CDH4: variants seen among roughly 807,000 people sequenced by gnomAD.
CDH4 encodes cadherin-4.
In CDH4, 33 loss-of-function variants were observed where a neutral mutation model predicts 86.0. The observed-to-expected ratio is 0.38, with a 90% confidence interval of 0.29 to 0.51. The LOEUF (loss-of-function observed/expected upper bound fraction) is 0.51. Ranked by LOEUF, CDH4 falls within the 20% of genes least tolerant of loss-of-function variation. The pLI, the probability that CDH4 is intolerant of heterozygous loss-of-function variation, is 0.86. For missense variants in CDH4, 1,114 were observed against 1,307.4 expected, an observed-to-expected ratio of 0.85 and a Z score of 2.28; for synonymous variants, 555 against 549.4, an observed-to-expected ratio of 1.01 and a Z score of -0.14.
At position 61,835,942 on chromosome 20, in the gene CDH4, C is replaced by T. The variant is rs75444232; in HGVS notation, c.577-8726C>T. 7.0e-3 allele frequency among the ~76,000 whole-genome samples: 1,064 copies of T among 152,272 alleles called. 5 individuals are homozygous for T. The highest frequency in any genetic ancestry group is 0.015 in the South Asian group (70 of 4,814). The stretch of plus-strand genomic sequence containing the variant: ...CTGCACCTGCAAACTCCGACTGTCC[C>T]GAGCGGAAGGACCCTGCCAGAAGGA... On this transcript the variant is annotated intron_variant, in intron 4 of 15. Coordinates refer to ENST00000614565, the MANE Select transcript of CDH4 (RefSeq NM_001794.5).
At chr20:61,603,308 G>A (rs557324989) in intron 2 of CDH4, among the ~76,000 whole-genome samples, 7 of 152,178 alleles carry the variant, frequency 4.6e-5, no homozygotes, top group Non-Finnish European at 1.0e-4. Context: ...ACAAAGCCAG[G>A]TGATGGGGTG....
chr20:61,393,354 G>A lies in CDH4; in HGVS notation c.169+138417G>A, dbSNP rs1348121740. Among the ~76,000 whole-genome samples the A allele has an allele frequency of 6.6e-6, 1 of 152,112 alleles. No homozygotes were observed. The highest frequency in any genetic ancestry group is 1.5e-5 in the Non-Finnish European group (1 of 68,012). On this transcript the variant is annotated intron_variant, in intron 2 of 15. Transcript: ENST00000614565. The surrounding 1 kb of genome is among the most constrained non-coding windows in gnomAD (Gnocchi z 4.3). Reference sequence around the variant, plus strand: ...GGGGGACAGCAGCCGGGGGGGGCCGGGGTCTTCCTTACCTCCTAGCTTGTG... The same window carrying A: ...GGGGGACAGCAGCCGGGGGGGGCCGAGGTCTTCCTTACCTCCTAGCTTGTG...
At chr20:61,531,292 T>C (rs2085949601) in intron 2 of CDH4, among the ~76,000 whole-genome samples, 1 of 151,920 alleles carries the variant, frequency 6.6e-6, no homozygotes, top group African/African-American at 2.4e-5. Context: ...GCCAATGTGG[T>C]GAAACCCCGT....
rs564810149 is a variant in CDH4, at chr20:61,869,648, A to G, written c.878-4080A>G. Among the ~76,000 whole-genome samples the G allele has an allele frequency of 1.2e-4, 19 of 152,238 alleles. No individual in the cohort carries two copies. The East Asian group carries it at 3.7e-3, about 29-fold the overall frequency. Reference sequence around the variant, plus strand: ...ACACATCCCACCTGGCCCCTCCTCAATGCCAAACCCTCTCACGTCCACATC... The same window carrying G: ...ACACATCCCACCTGGCCCCTCCTCAGTGCCAAACCCTCTCACGTCCACATC... On this transcript the variant is annotated intron_variant, in intron 6 of 15. Transcript: ENST00000614565.
At chr20:61,702,498 C>T (rs2087787643) in intron 2 of CDH4, among the ~76,000 whole-genome samples, 1 of 152,228 alleles carries the variant, frequency 6.6e-6, no homozygotes, top group South Asian at 2.1e-4. Context: ...AGACGCTTCG[C>T]ACTGTGTGTT....
At chr20:61,262,892 C>G (rs1265373895) in intron 2 of CDH4, among the ~76,000 whole-genome samples, 1 of 149,242 alleles carries the variant, frequency 6.7e-6, no homozygotes, top group African/African-American at 2.5e-5. Flanking sequence ...CTCCCTCCCT[C>G]CCTTCCTCCT....
chr20:61,493,167 T>C (rs1042390391), intron 2 of CDH4, among the ~76,000 whole-genome samples: 8 of 152,330 alleles, frequency 5.3e-5, no homozygotes, highest in African/African-American at 1.9e-4. Context: ...TCTTGACTGT[T>C]TTCCAGGAGA....
chr20:61,492,978 C>G (rs934869620), intron 2 of CDH4, among the ~76,000 whole-genome samples: 1 of 152,170 alleles, frequency 6.6e-6, no homozygotes. Context: ...TTTGAGCTGT[C>G]GTGCCTGTCA....
intron 2 of CDH4, among the ~76,000 whole-genome samples, chr20:61,287,379 G>A (rs973477734): frequency 3.3e-5 from 5 of 152,102 alleles, no homozygotes; most frequent in African/African-American, 1.2e-4. Flanking sequence ...GGAGGCTGAG[G>A]TGGCAGGATC....
chr20:61,812,902 C>T (rs766038262), intron 4 of CDH4, among the ~76,000 whole-genome samples: 5 of 152,212 alleles, frequency 3.3e-5, no homozygotes, highest in African/African-American at 4.8e-5. Context: ...GGAAAAATCA[C>T]AGCCGCCTGG....
chr20:61,593,402 T>G (rs1182139861), intron 2 of CDH4, among the ~76,000 whole-genome samples: 1 of 152,214 alleles, frequency 6.6e-6, no homozygotes, highest in Non-Finnish European at 1.5e-5. Flanking sequence ...ACTCACACTG[T>G]TCAGCATTTT....
At chr20:61,872,109 G>A (rs917024100) in intron 6 of CDH4, among the ~76,000 whole-genome samples, 1 of 152,226 alleles carries the variant, frequency 6.6e-6, no homozygotes, top group African/African-American at 2.4e-5. Flanking sequence ...GCTCCTCGCA[G>A]ACCCTGCCTC....
intron 7 of CDH4, among the ~76,000 whole-genome samples, chr20:61,891,636 C>T (rs1984824239): frequency 6.6e-6 from 1 of 152,174 alleles, no homozygotes; most frequent in African/African-American, 2.4e-5. Flanking sequence ...GCTGGAGGGC[C>T]CAGGAGCCAG....
At chr20:61,802,654 A>G (rs1253022923) in intron 4 of CDH4, among the ~76,000 whole-genome samples, 1 of 152,200 alleles carries the variant, frequency 6.6e-6, no homozygotes, top group African/African-American at 2.4e-5. Flanking sequence ...TCACTGCAGA[A>G]TGGCTGCAAA....
intron 2 of CDH4, among the ~76,000 whole-genome samples, chr20:61,400,306 A>G (rs2085042571): frequency 6.6e-6 from 1 of 152,186 alleles, no homozygotes; most frequent in Non-Finnish European, 1.5e-5. Context: ...CTCAGGAGTT[A>G]TAGTTATTGG....
intron 2 of CDH4, among the ~76,000 whole-genome samples, chr20:61,580,682 C>T (rs1420096036): frequency 6.6e-6 from 1 of 152,116 alleles, no homozygotes; most frequent in Non-Finnish European, 1.5e-5. Context: ...CTGGCTGAAG[C>T]AGGGATCCGT....
At chr20:61,515,310 A>G (rs542600654) in intron 2 of CDH4, among the ~76,000 whole-genome samples, 10 of 152,334 alleles carry the variant, frequency 6.6e-5, no homozygotes, top group African/African-American at 2.2e-4. Context: ...AGGAACCTGC[A>G]GGTCCCAGAT....
chr20:61,554,910 T>G (rs978025393), intron 2 of CDH4, among the ~76,000 whole-genome samples: 1 of 152,252 alleles, frequency 6.6e-6, no homozygotes, highest in Non-Finnish European at 1.5e-5. Context: ...TGTGCAGACA[T>G]GTACATGTGT....
chr20:61,511,885 G>C (rs1284839497), intron 2 of CDH4, among the ~76,000 whole-genome samples: 2 of 152,118 alleles, frequency 1.3e-5, no homozygotes, highest in Admixed American at 1.3e-4. Flanking sequence ...TGGGTATACT[G>C]TAGAATAAAT....
Sources: allele counts gnomAD v4.1 joint callset (sites outside exome capture counted in the v4.1 genomes callset), GRCh38; gene constraint gnomAD v4.1.1; non-coding constraint Gnocchi (gnomAD v3.1); transcripts MANE v1.5; gene names NCBI Gene and HGNC (gene_info 2026-07-23, HGNC 2026-07-21).